LEKR1: variants seen among roughly 807,000 people sequenced by gnomAD.
The protein encoded by LEKR1 is leucine, glutamate and lysine rich 1, also known as protein LEKR1.
Under a neutral mutation model 72.4 loss-of-function variants are expected in LEKR1, and 59 were observed. The observed-to-expected ratio is 0.82, with a 90% CI of 0.66 to 1.01. The LOEUF (loss-of-function observed/expected upper bound fraction) is 1.01, where lower values mean the gene tolerates loss of function less well. Among genes scored for constraint, LEKR1 ranks in the 50% least tolerant of loss-of-function variants. The pLI, the probability that LEKR1 is intolerant of heterozygous loss-of-function variation, is 0.00. For missense variants in LEKR1, 728 were observed against 759.2 expected (o/e 0.96, Z 0.48); for synonymous variants, 257 against 263.2 (o/e 0.98, Z 0.23).
At chr3:156,949,158 A>C (rs1273666691) in intron 6 of LEKR1, among the ~76,000 whole-genome samples, 1 of 151,592 alleles carries the variant, frequency 6.6e-6, no homozygotes, top group Non-Finnish European at 1.5e-5. Flanking sequence ...GAAGTTCTTA[A>C]GTTTAATTAG....
chr3:157,026,277 C>T (rs1734183680), intron 11 of LEKR1, among the ~76,000 whole-genome samples: 1 of 152,096 alleles, frequency 6.6e-6, no homozygotes, highest in South Asian at 2.1e-4. Context: ...TGTTGCAGCC[C>T]TGGGTGGTTC....
intron 3 of LEKR1, among the ~76,000 whole-genome samples, chr3:156,867,900 C>G (rs1050254086): frequency 6.6e-5 from 10 of 152,012 alleles, no homozygotes; most frequent in African/African-American, 4.8e-5. Context: ...TACTATATTT[C>G]ATTTTTATTT....
chr3:156,837,040 TTTAA>T (rs1209151147), intron 2 of LEKR1, among the ~76,000 whole-genome samples: 14 of 152,314 alleles, frequency 9.2e-5, no homozygotes, highest in African/African-American at 3.4e-4. Flanking sequence ...TTTTAAAAAC[TTTAA>T]TTATGGAGAA....
At chr3:157,015,920 T>C (rs1327371050) in intron 10 of LEKR1, among the ~76,000 whole-genome samples, 1 of 152,154 alleles carries the variant, frequency 6.6e-6, no homozygotes, top group South Asian at 2.1e-4. Context: ...GATTATCTGA[T>C]ATTAAAAGTA....
chr3:156,852,871 T>A lies in LEKR1; in HGVS notation c.152T>A (p.Met51Lys). 1 of 1,534,456 alleles carries A rather than the reference T, an allele frequency of 6.5e-7. No individual in the cohort carries two copies. Among genetic ancestry groups the A allele is most frequent in the Non-Finnish European group, 8.7e-7 (1 of 1,144,802 alleles). Residue 51 changes from methionine to lysine, a missense_variant, in exon 3 of 13, where the codon ATG becomes AAG. Met to Lys is a moderately conservative substitution (Grantham distance 95). Coordinates refer to ENST00000356539, the MANE Select transcript of LEKR1 (RefSeq NM_001004316.3). ...EEKVKAMEKE[M>K]KFYQGSVDRE... is the part of the protein sequence containing the mutation. Reference sequence around the variant, plus strand: ...AAAGTGAAAGCAATGGAAAAAGAGATGAAATTTTATCAAGGAAGTGTAGAT... The same window carrying A: ...AAAGTGAAAGCAATGGAAAAAGAGAAGAAATTTTATCAAGGAAGTGTAGAT...
At chr3:156,994,974 T>G (rs1731439146) in intron 9 of LEKR1, among the ~76,000 whole-genome samples, 1 of 152,214 alleles carries the variant, frequency 6.6e-6, no homozygotes, top group Admixed American at 6.5e-5. Flanking sequence ...TAAGCACATG[T>G]TTTAGACTCT....
At chr3:156,862,370 G>A (rs1249067479) in intron 3 of LEKR1, among the ~76,000 whole-genome samples, 1 of 151,908 alleles carries the variant, frequency 6.6e-6, no homozygotes, top group East Asian at 1.9e-4. Context: ...CATAAACATA[G>A]TGGGAATTAT....
intron 5 of LEKR1, among the ~76,000 whole-genome samples, chr3:156,939,295 A>G (rs1725995358): frequency 6.6e-6 from 1 of 152,208 alleles, no homozygotes; most frequent in Non-Finnish European, 1.5e-5. Context: ...GGGAAAAGGC[A>G]GCCACCTGCA....
At chr3:156,946,201 A>G (rs1410972964) in intron 6 of LEKR1, among the ~76,000 whole-genome samples, 1 of 151,024 alleles carries the variant, frequency 6.6e-6, no homozygotes, top group East Asian at 1.9e-4. Flanking sequence ...TTTATTTGTA[A>G]TTATTGTAAA....
intron 3 of LEKR1, among the ~76,000 whole-genome samples, chr3:156,914,486 C>G (rs920595934): frequency 2.0e-5 from 3 of 152,176 alleles, no homozygotes; most frequent in Non-Finnish European, 2.9e-5. Context: ...CTGCAAAGGA[C>G]ATGAACTCAA....
rs369642773 is a variant in LEKR1, at chr3:156,979,265, G to T, written c.817G>T (p.Glu273Ter). ...GGTGACAGAGATGGACAACTATAAA[G>T]AAATGCTTATGTAAGATGGAGAATA... ...KAVTEMDNYK[E>*]MLMNKSNEAD... Residue 273 changes from glutamate (E) to a stop codon, truncating the protein, a stop_gained, in exon 7 of 13, where the codon GAA (glutamate) becomes TAA (stop). Coordinates refer to ENST00000356539, the MANE Select transcript of LEKR1 (RefSeq NM_001004316.3). LOFTEE classifies it high-confidence loss of function. 6.3e-6 allele frequency: 8 copies of T among 1,277,272 alleles called. No individual in the cohort carries two copies. The African/African-American group carries it at 1.2e-4, about 19-fold the overall frequency. 79.1% of individuals were successfully genotyped at this position (1,277,272 alleles called of 1,614,324 possible).
chr3:156,974,973 A>T (rs1729565477), intron 6 of LEKR1, among the ~76,000 whole-genome samples: 1 of 152,186 alleles, frequency 6.6e-6, no homozygotes, highest in Non-Finnish European at 1.5e-5. Flanking sequence ...GAAGTGGAAG[A>T]GTAGCCTTCA....
intron 6 of LEKR1, among the ~76,000 whole-genome samples, chr3:156,974,465 CTGACAACGCTCCT>C (rs1187170597): frequency 2.0e-5 from 3 of 152,106 alleles, no homozygotes; most frequent in African/African-American, 4.8e-5. Context: ...CGAAACAAAA[CTGACAACGCTCCT>C]TGTTACCATA....
intron 7 of LEKR1, among the ~76,000 whole-genome samples, chr3:156,987,030 T>G (rs1018708973): frequency 2.2e-5 from 2 of 92,914 alleles, no homozygotes; most frequent in African/African-American, 7.7e-5. Flanking sequence ...AGCTATTGTA[T>G]TGTATTGTAT....
At chr3:156,926,373 T>C (rs1274555271) in intron 4 of LEKR1, among the ~76,000 whole-genome samples, 1 of 152,054 alleles carries the variant, frequency 6.6e-6, no homozygotes, top group Non-Finnish European at 1.5e-5. Context: ...GTGGCATTAC[T>C]GATTACCAAA....
chr3:156,925,010 T>G (rs897719713), intron 4 of LEKR1: 11 of 152,312 alleles, frequency 7.2e-5, no homozygotes, highest in African/African-American at 2.7e-4. Flanking sequence ...GTATTGAATC[T>G]ATAGATCAAT....
Position 156,837,321 on chromosome 3 carries a change from T to G in LEKR1, c.48+7944T>G, listed in dbSNP as rs144505057. Reference sequence around the variant, plus strand: ...GACTCACCCAAAGGCATGACACATTTGGGATGAAGAGTGTGCTGACTCATC... The same window carrying G: ...GACTCACCCAAAGGCATGACACATTGGGGATGAAGAGTGTGCTGACTCATC... On this transcript the variant is annotated intron_variant, in intron 2 of 12. Transcript: ENST00000356539. Among the ~76,000 whole-genome samples, 43 of 152,348 alleles carry G rather than the reference T, an allele frequency of 2.8e-4. No individual in the cohort carries two copies. The East Asian group carries it at 6.9e-3, about 25-fold the overall frequency.
At chr3:157,041,038 T>C (rs558979162) in intron 12 of LEKR1, among the ~76,000 whole-genome samples, 1 of 152,304 alleles carries the variant, frequency 6.6e-6, no homozygotes, top group South Asian at 2.1e-4. Context: ...TTGGCCACTT[T>C]TTAATATTAG....
intron 6 of LEKR1, 80 bp from the exon 7 acceptor site, chr3:156,979,114 A>G (rs1729954848): frequency 1.9e-5 from 12 of 625,554 alleles, no homozygotes; most frequent in Admixed American, 1.5e-4. Flanking sequence ...GACTAGCAAC[A>G]AAAGAATATG....
Sources: gnomAD v4.1 joint callset for allele counts (sites outside exome capture counted in the v4.1 genomes callset) on GRCh38, gnomAD v4.1.1 for gene constraint, MANE v1.5 for transcripts, NCBI Gene and HGNC (gene_info 2026-07-23, HGNC 2026-07-21) for gene names.